Variants in DIO2 observed in about 807,000 individuals in gnomAD.
The protein encoded by DIO2 is type II iodothyronine deiodinase.
Under a neutral mutation model 21.4 loss-of-function variants are expected in DIO2, and 19 were observed. That is an observed-to-expected ratio of 0.89 (90% CI 0.62 to 1.30). The LOEUF (loss-of-function observed/expected upper bound fraction) is 1.30, where lower values mean the gene tolerates loss of function less well. DIO2 is among the 50% of genes most tolerant of loss of function. The pLI is 0.00. For synonymous variants in DIO2, 122 were observed against 132.9 expected, an observed-to-expected ratio of 0.92 and a Z score of 0.57; for missense variants, 302 against 338.1, an observed-to-expected ratio of 0.89 and a Z score of 0.84.
chr14:80,211,248 C>T lies in DIO2; in HGVS notation c.222+3G>A. The T allele has an allele frequency of 6.2e-7, 1 of 1,608,138 alleles. No homozygotes were observed. The highest frequency in any genetic ancestry group is 8.5e-7 in the Non-Finnish European group (1 of 1,179,156). ...GGGAGAAGCCCTTCTCAGCTCAGCTCACCTGTTTGTAGGCATCGAGGAGGA... is the reference window on the plus strand; with the variant it reads ...GGGAGAAGCCCTTCTCAGCTCAGCTTACCTGTTTGTAGGCATCGAGGAGGA... On this transcript the variant is annotated splice_donor_region_variant and intron_variant, in intron 1 of 1. Coordinates refer to ENST00000438257, the MANE Select transcript of DIO2 (RefSeq NM_013989.5).
At chr14:80,213,865 A>G (rs571319982), upstream of DIO2, among the ~76,000 whole-genome samples, 2 of 152,332 alleles carry the variant, frequency 1.3e-5, no homozygotes, top group African/African-American at 4.8e-5. Context: ...GCTCCTAATG[A>G]GTTTTGAATT....
upstream of DIO2, chr14:80,211,505 G>T: frequency 7.2e-7 from 1 of 1,397,914 alleles, no homozygotes; most frequent in Non-Finnish European, 9.6e-7. Context: ...TCCCTTGTGC[G>T]CTCTGGTTCC....
At chr14:80,214,454 G>T (rs1301700301), upstream of DIO2, among the ~76,000 whole-genome samples, 1 of 152,128 alleles carries the variant, frequency 6.6e-6, no homozygotes, top group East Asian at 1.9e-4. Context: ...GGACTCTGTT[G>T]GGGGCTTTTG....
upstream of DIO2, among the ~76,000 whole-genome samples, chr14:80,213,984 T>C (rs1291578161): frequency 6.6e-6 from 1 of 152,160 alleles, no homozygotes; most frequent in Non-Finnish European, 1.5e-5. Flanking sequence ...GTTAGCAAAA[T>C]AATATTACTA....
intron 2 of DIO2, among the ~76,000 whole-genome samples, chr14:80,221,233 T>C (rs1888457354): frequency 6.6e-6 from 1 of 152,188 alleles, no homozygotes; most frequent in Non-Finnish European, 1.5e-5. Context: ...GAAAGCATCA[T>C]ATAAATTACC....
chr14:80,227,227 G>A (rs1464085202), intron 2 of DIO2, among the ~76,000 whole-genome samples: 1 of 152,170 alleles, frequency 6.6e-6, no homozygotes, highest in Non-Finnish European at 1.5e-5. Flanking sequence ...TCCGTTAACT[G>A]ATCATAGGGA....
rs933761212 is a variant in DIO2, at chr14:80,200,256, C to T, written c.*2433G>A. On this transcript the variant is annotated 3_prime_UTR_variant, in exon 2 of 2. Coordinates refer to ENST00000438257, the MANE Select transcript of DIO2 (RefSeq NM_013989.5). ...TTGAACATCTTCCTCCCTGATAGCC[C>T]ATGTCTTTCTATGTTTCCTTCCTCT... is the stretch of plus-strand genomic sequence containing the variant. 6.6e-6 allele frequency: 1 copy of T among 152,572 alleles called. No individual in the cohort carries two copies. The highest frequency in any genetic ancestry group is 1.5e-5 in the Non-Finnish European group (1 of 68,038). The allele number at this position is 152,572 out of a possible 1,614,324, so 9.5% of individuals were successfully genotyped here.
chr14:80,215,346 G>T (rs148630588), upstream of DIO2, among the ~76,000 whole-genome samples: 4 of 152,266 alleles, frequency 2.6e-5, no homozygotes, highest in East Asian at 7.7e-4. Context: ...AAAATAACAA[G>T]CATATGAGTC....
At chr14:80,207,890 A>G (rs1329643026) in intron 1 of DIO2, among the ~76,000 whole-genome samples, 1 of 152,156 alleles carries the variant, frequency 6.6e-6, no homozygotes, top group Non-Finnish European at 1.5e-5. Flanking sequence ...TCTCTCTTAA[A>G]AGGGCCATTT....
At chr14:80,226,936 T>C (rs796969012) in intron 2 of DIO2, among the ~76,000 whole-genome samples, 32 of 152,342 alleles carry the variant, frequency 2.1e-4, no homozygotes, top group African/African-American at 7.7e-4. Context: ...TTGTCACCAA[T>C]TTTCCAATCA....
intron 1 of DIO2, among the ~76,000 whole-genome samples, chr14:80,203,769 T>G (rs568571134): frequency 6.6e-6 from 1 of 152,366 alleles, no homozygotes; most frequent in South Asian, 2.1e-4. Flanking sequence ...TTTTCTTGCA[T>G]GATACTAAGT....
intron 2 of DIO2, among the ~76,000 whole-genome samples, chr14:80,228,827 A>G (rs760564228): frequency 1.1e-4 from 16 of 152,176 alleles, no homozygotes. Context: ...CCCTACTTTA[A>G]CTGGAGGACC....
chr14:80,204,074 G>A (rs995952619), intron 1 of DIO2, among the ~76,000 whole-genome samples: 1 of 151,996 alleles, frequency 6.6e-6, no homozygotes, highest in Non-Finnish European at 1.5e-5. Flanking sequence ...GCAATTCTGT[G>A]TTTGTTTTTG....
Position 80,199,658 on chromosome 14 carries a change from C to T in DIO2, c.*3031G>A, listed in dbSNP as rs559410606. 5 of 152,708 alleles carry T rather than the reference C, an allele frequency of 3.3e-5. No homozygotes were observed. In the South Asian group the frequency reaches 1.0e-3, roughly 32 times the overall value. The allele number at this position is 152,708 out of a possible 1,614,324, so 9.5% of individuals were successfully genotyped here. A position where few individuals can be genotyped will look rare whatever the true frequency, so the allele number is the denominator to read the frequency against. On this transcript the variant is annotated 3_prime_UTR_variant, in exon 2 of 2. Transcript: ENST00000438257. ...TTTTTGATAGGTCCAAGACATAAGT[C>T]TTTCAAACAATAAGTGTTTGAGTAG...
At chr14:80,213,437 AAAGCCT>A (rs1387829159), upstream of DIO2, among the ~76,000 whole-genome samples, 6 of 152,184 alleles carry the variant, frequency 3.9e-5, no homozygotes, top group East Asian at 1.2e-3. Flanking sequence ...AAATAATTTA[AAAGCCT>A]AGACAAGAGT....
At chr14:80,220,780 T>C (rs1286168196) in intron 2 of DIO2, among the ~76,000 whole-genome samples, 2 of 152,168 alleles carry the variant, frequency 1.3e-5, no homozygotes, top group Non-Finnish European at 2.9e-5. Context: ...CTCTGTCCTC[T>C]CATGACAAGT....
intron 2 of DIO2, among the ~76,000 whole-genome samples, chr14:80,224,853 G>C (rs1025418320): frequency 1.3e-5 from 2 of 152,144 alleles, no homozygotes; most frequent in Non-Finnish European, 2.9e-5. Context: ...TAATAGGATA[G>C]ATATATATAA....
chr14:80,231,025 A>C (rs1429326746), intron 2 of DIO2: 1 of 152,176 alleles, frequency 6.6e-6, no homozygotes, highest in Non-Finnish European at 1.5e-5. Flanking sequence ...GCACTGAAGA[A>C]AGATGTAGGC....
intron 2 of DIO2, among the ~76,000 whole-genome samples, chr14:80,229,960 C>T (rs909027583): frequency 1.3e-5 from 2 of 152,078 alleles, no homozygotes; most frequent in African/African-American, 2.4e-5. Flanking sequence ...CCTGCTAGGA[C>T]TTTAGTTATA....
Sources: allele counts gnomAD v4.1 joint callset (sites outside exome capture counted in the v4.1 genomes callset), GRCh38; gene constraint gnomAD v4.1.1; transcripts MANE v1.5; gene names NCBI Gene and HGNC (gene_info 2026-07-23, HGNC 2026-07-21).